SEZ6L: variants seen among roughly 807,000 people sequenced by gnomAD.
SEZ6L encodes seizure 6-like protein.
Under a neutral mutation model 106.2 loss-of-function variants are expected in SEZ6L, and 37 were observed. That is an observed-to-expected ratio of 0.35 (90% confidence interval 0.27 to 0.46). SEZ6L has a LOEUF of 0.46. Ranked by LOEUF, SEZ6L falls within the 20% of genes least tolerant of loss-of-function variation. The pLI, the probability that SEZ6L is intolerant of heterozygous loss-of-function variation, is 1.00. For missense variants in SEZ6L, 1,172 were observed against 1,332.8 expected (o/e 0.88, Z 1.88); for synonymous variants, 541 against 570.4 (o/e 0.95, Z 0.73).
chr22:26,310,889 G>A, intron 7 of SEZ6L, 53 bp downstream of exon 7: 4 of 1,571,352 alleles, frequency 2.5e-6, no homozygotes, highest in East Asian at 2.2e-5. Context: ...GGTAGCCTGG[G>A]AGCAGGGAAA....
At chr22:26,367,220 G>A (rs2083847010) in intron 13 of SEZ6L, among the ~76,000 whole-genome samples, 1 of 152,080 alleles carries the variant, frequency 6.6e-6, no homozygotes, top group Non-Finnish European at 1.5e-5. Context: ...AGGTGACCAA[G>A]CGTCCCGTAG....
intron 12 of SEZ6L, among the ~76,000 whole-genome samples, chr22:26,355,947 C>T (rs1353254524): frequency 6.6e-6 from 1 of 152,228 alleles, no homozygotes; most frequent in Non-Finnish European, 1.5e-5. Flanking sequence ...CAGACACACC[C>T]TCCAGCTCTG....
intron 9 of SEZ6L, among the ~76,000 whole-genome samples, chr22:26,333,407 C>T (rs2187971): frequency 0.45 from 69,112 of 152,032 alleles, 16,548 homozygotes; most frequent in South Asian, 0.64. Context: ...CCCTCTGATA[C>T]CAAAGTTTTC....
chr22:26,244,833 G>C (rs1186401460), intron 1 of SEZ6L: 1 of 152,242 alleles, frequency 6.6e-6, no homozygotes, highest in African/African-American at 2.4e-5. Context: ...GATCCCTCTG[G>C]GAAACCACAG....
At chr22:26,282,182 A>G (rs890236632) in intron 1 of SEZ6L, among the ~76,000 whole-genome samples, 1 of 152,214 alleles carries the variant, frequency 6.6e-6, no homozygotes, top group Non-Finnish European at 1.5e-5. Flanking sequence ...GTTACACTCT[A>G]TGTTATTCAC....
intron 1 of SEZ6L, among the ~76,000 whole-genome samples, chr22:26,228,187 T>C (rs1162727511): frequency 6.6e-6 from 1 of 152,094 alleles, no homozygotes; most frequent in South Asian, 2.1e-4. Flanking sequence ...AATGAGCAAG[T>C]GCGTGAACAA....
Position 26,195,044 on chromosome 22 carries a change from C to T in SEZ6L, c.94+25281C>T, listed in dbSNP as rs150747129. On this transcript the variant is annotated intron_variant, in intron 1 of 16. Transcript: ENST00000248933. ...TAGAAAGATGCTCTGTGCTGCAAAG[C>T]CTCCCAGGCACAACTGGGAATGACT... Among the ~76,000 whole-genome samples the T allele has an allele frequency of 3.5e-3, 532 of 152,296 alleles. 4 individuals carry two copies. The highest frequency in any genetic ancestry group is 0.012 in the African/African-American group (489 of 41,560).
At chr22:26,359,124 C>T (rs1463616227) in intron 12 of SEZ6L, among the ~76,000 whole-genome samples, 1 of 152,202 alleles carries the variant, frequency 6.6e-6, no homozygotes, top group Non-Finnish European at 1.5e-5. Context: ...AGTTCCTATT[C>T]CTTTGACTCT....
intron 9 of SEZ6L, among the ~76,000 whole-genome samples, chr22:26,339,972 C>T (rs909575887): frequency 9.2e-5 from 14 of 152,180 alleles, no homozygotes; most frequent in African/African-American, 2.7e-4. Context: ...CAGTGACTCA[C>T]GCCTGTAATC....
At chr22:26,349,943 T>C (rs985018346) in intron 11 of SEZ6L, among the ~76,000 whole-genome samples, 2 of 152,124 alleles carry the variant, frequency 1.3e-5, no homozygotes, top group Non-Finnish European at 2.9e-5. Context: ...GTAATGAAAG[T>C]TTATTTTACT....
intron 12 of SEZ6L, among the ~76,000 whole-genome samples, chr22:26,352,802 G>A (rs757739166): frequency 6.6e-6 from 1 of 152,152 alleles, no homozygotes; most frequent in African/African-American, 2.4e-5. Flanking sequence ...GTTGCCTGTC[G>A]TTGAAGACAG....
chr22:26,256,391 GC>G (rs1192364258), intron 1 of SEZ6L, among the ~76,000 whole-genome samples: 2 of 152,206 alleles, frequency 1.3e-5, no homozygotes, highest in African/African-American at 4.8e-5. Context: ...TTTCCCCATA[GC>G]CAAAATGGCC....
intron 9 of SEZ6L, among the ~76,000 whole-genome samples, chr22:26,331,306 G>A (rs1032842172): frequency 4.6e-5 from 7 of 152,336 alleles, no homozygotes; most frequent in South Asian, 2.1e-4. Context: ...TGAAAGCAAT[G>A]AGGGTCCCTT....
intron 1 of SEZ6L, among the ~76,000 whole-genome samples, chr22:26,261,636 C>A (rs1468602565): frequency 6.6e-6 from 1 of 152,134 alleles, no homozygotes; most frequent in Non-Finnish European, 1.5e-5. Context: ...GGAAGACAGA[C>A]TCTGAACAAG....
chr22:26,257,929 A>C (rs2079876874), intron 1 of SEZ6L, among the ~76,000 whole-genome samples: 1 of 152,198 alleles, frequency 6.6e-6, no homozygotes, highest in African/African-American at 2.4e-5. Flanking sequence ...TGCTCATGAA[A>C]GATTAGCTTT....
chr22:26,194,152 G>T lies in SEZ6L; in HGVS notation c.94+24389G>T, dbSNP rs374488410. 3.9e-5 allele frequency among the ~76,000 whole-genome samples: 6 copies of T among 152,278 alleles called. No individual in the cohort carries two copies. The South Asian group carries it at 1.2e-3, about 32-fold the overall frequency. On this transcript the variant is annotated intron_variant, in intron 1 of 16. Coordinates refer to ENST00000248933, the MANE Select transcript of SEZ6L (RefSeq NM_021115.5). ...AAGCTCAGGAAAGAGCAAGCTCAAGGCTTGTAGGCAAGAACTTTGGGGCTG... is the reference window on the plus strand; with the variant it reads ...AAGCTCAGGAAAGAGCAAGCTCAAGTCTTGTAGGCAAGAACTTTGGGGCTG...
At chr22:26,355,878 G>C (rs892775302) in intron 12 of SEZ6L, among the ~76,000 whole-genome samples, 1 of 152,164 alleles carries the variant, frequency 6.6e-6, no homozygotes, top group Non-Finnish European at 1.5e-5. Context: ...TTTACCCCAG[G>C]GCACTTTAAG....
intron 9 of SEZ6L, 82 bp from the exon 10 acceptor site, chr22:26,340,354 A>G (rs2082788530): frequency 5.9e-6 from 8 of 1,347,974 alleles, no homozygotes; most frequent in South Asian, 1.4e-5. Context: ...CAAATTTTGT[A>G]TTGCCTGAAA....
intron 1 of SEZ6L, among the ~76,000 whole-genome samples, chr22:26,219,069 C>T (rs979876767): frequency 1.3e-5 from 2 of 152,200 alleles, no homozygotes; most frequent in African/African-American, 4.8e-5. Flanking sequence ...CAGCCATAGC[C>T]AGAAAGTTCT....
Sources: gnomAD v4.1 joint callset for allele counts (sites outside exome capture counted in the v4.1 genomes callset) on GRCh38, gnomAD v4.1.1 for gene constraint, MANE v1.5 for transcripts, NCBI Gene and HGNC (gene_info 2026-07-23, HGNC 2026-07-21) for gene names.